The following TTC6 variants were observed in gnomAD, a reference collection of about 807,000 sequenced individuals.
TTC6 encodes tetratricopeptide repeat protein 6.
Under a neutral mutation model 210.4 loss-of-function variants are expected in TTC6, and 172 were observed. That is an observed-to-expected ratio of 0.82 (90% confidence interval 0.72 to 0.93). TTC6 has a LOEUF of 0.93. Among genes scored for constraint, TTC6 ranks in the 40% least tolerant of loss-of-function variants. TTC6 has a pLI of 0.00. For synonymous variants in TTC6, 804 were observed against 819.6 expected (o/e 0.98, Z 0.32); for missense variants, 2,414 against 2,318.1 (o/e 1.04, Z -0.85).
chr14:37,832,329 CTTTTTTTTT>C, intron 29 of TTC6, among the ~76,000 whole-genome samples: 1 of 68,912 alleles, frequency 1.5e-5, no homozygotes, highest in East Asian at 4.8e-4. Flanking sequence ...TTCTTTCTCT[CTTTTTTTTT>C]TTTTTTTTTT....
chr14:37,821,221 C>T (rs987729154), intron 26 of TTC6, among the ~76,000 whole-genome samples: 2 of 151,938 alleles, frequency 1.3e-5, no homozygotes, highest in African/African-American at 4.8e-5. Flanking sequence ...GTGCATACTA[C>T]CATGCCTGGC....
intron 2 of TTC6, among the ~76,000 whole-genome samples, chr14:37,609,401 G>A (rs1479139544): frequency 6.6e-6 from 1 of 152,124 alleles, no homozygotes; most frequent in Non-Finnish European, 1.5e-5. Context: ...GGGTGACAGA[G>A]TGAGACCCTG....
chr14:37,623,315 T>A (rs1463911048), intron 1 of TTC6, among the ~76,000 whole-genome samples: 1 of 152,168 alleles, frequency 6.6e-6, no homozygotes, highest in Non-Finnish European at 1.5e-5. Flanking sequence ...AAAGGTTTCG[T>A]GATTATTTAG....
At chr14:37,817,921 C>T (rs1434230524) in intron 26 of TTC6, among the ~76,000 whole-genome samples, 3 of 152,092 alleles carry the variant, frequency 2.0e-5, no homozygotes, top group African/African-American at 4.8e-5. Flanking sequence ...GCAGAGTTCA[C>T]CTGATCCAAG....
At chr14:37,788,843 A>G (rs1295468823) in intron 15 of TTC6, among the ~76,000 whole-genome samples, 2 of 151,922 alleles carry the variant, frequency 1.3e-5, no homozygotes, top group Non-Finnish European at 1.5e-5. Context: ...AACCACCCCC[A>G]TTTCTAGAAG....
chr14:37,801,417 A>G (rs903094938), intron 20 of TTC6, among the ~76,000 whole-genome samples: 1 of 152,168 alleles, frequency 6.6e-6, no homozygotes, highest in African/African-American at 2.4e-5. Flanking sequence ...CATCTGGTAG[A>G]CACACTCTAA....
chr14:37,773,923 C>A (rs942297789), intron 14 of TTC6, among the ~76,000 whole-genome samples: 1 of 152,054 alleles, frequency 6.6e-6, no homozygotes, highest in Admixed American at 6.6e-5. Flanking sequence ...TTGTGGTCAT[C>A]TCTGATTCCT....
chr14:37,657,934 T>G (rs2095728255), intron 1 of TTC6, among the ~76,000 whole-genome samples: 2 of 152,240 alleles, frequency 1.3e-5, no homozygotes, highest in African/African-American at 4.8e-5. Flanking sequence ...TGGTTCATTT[T>G]AGAGATGCAT....
At chr14:37,682,631 C>A in intron 2 of TTC6, 127 bp from the exon 5 acceptor site, 1 of 763,342 alleles carries the variant, frequency 1.3e-6, no homozygotes, top group Non-Finnish European at 2.1e-6. Flanking sequence ...GGAAACTCAT[C>A]ACCTATGCTT....
intron 1 of TTC6, among the ~76,000 whole-genome samples, chr14:37,600,134 G>A (rs1340182682): frequency 1.3e-5 from 2 of 152,192 alleles, no homozygotes; most frequent in Admixed American, 1.3e-4. Flanking sequence ...AGAGGGAAAC[G>A]TGACACCTCT....
At chr14:37,726,426 T>C (rs1255038001) in intron 7 of TTC6, among the ~76,000 whole-genome samples, 1 of 152,220 alleles carries the variant, frequency 6.6e-6, no homozygotes, top group Non-Finnish European at 1.5e-5. Context: ...GTGTTTAGAA[T>C]GTTAATATTG....
intron 7 of TTC6, among the ~76,000 whole-genome samples, chr14:37,732,649 T>C (rs539259468): frequency 1.1e-4 from 17 of 151,530 alleles, no homozygotes; most frequent in East Asian, 2.0e-4. Flanking sequence ...GACGGAGTCT[T>C]GCTCTGTCGC....
upstream of TTC6, chr14:37,621,989 T>G: frequency 9.1e-7 from 1 of 1,096,126 alleles, no homozygotes; most frequent in South Asian, 1.7e-5. Context: ...TCCAGTTTTG[T>G]TTTATATTTA....
chr14:37,834,177 G>A (rs1368802312), intron 29 of TTC6, among the ~76,000 whole-genome samples: 3 of 152,052 alleles, frequency 2.0e-5, no homozygotes, highest in African/African-American at 7.2e-5. Context: ...GGGCCTTTTT[G>A]GGTTGAATCT....
intron 2 of TTC6, among the ~76,000 whole-genome samples, chr14:37,610,627 C>T (rs1306787506): frequency 6.6e-6 from 1 of 152,202 alleles, no homozygotes; most frequent in Non-Finnish European, 1.5e-5. Flanking sequence ...GAGAAGCCAT[C>T]ACCAAGGTTA....
intron 3 of TTC6, among the ~76,000 whole-genome samples, chr14:37,689,503 G>A (rs1404556278): frequency 1.3e-5 from 2 of 151,826 alleles, no homozygotes; most frequent in African/African-American, 4.8e-5. Flanking sequence ...ACCCAAAGAC[G>A]GCTACTTCAA....
rs189124174 is a variant in TTC6 at position 37,831,234 on chromosome 14, T to C, written c.5298+3868T>C. The stretch of plus-strand genomic sequence containing the variant: ...ACATAATGTCCTCTATGCTCACCCA[T>C]GTTGCTGCAAATAATAGGATTTTAT... On this transcript the variant is annotated intron_variant, in intron 29 of 30. Transcript: ENST00000553443. 5.9e-4 allele frequency among the ~76,000 whole-genome samples: 90 copies of C among 152,170 alleles called. 2 individuals carry two copies. Among genetic ancestry groups the C allele is most frequent in the Admixed American group, 8.5e-4 (13 of 15,272 alleles).
chr14:37,655,479 C>T (rs1228678249), intron 1 of TTC6, among the ~76,000 whole-genome samples: 1 of 152,146 alleles, frequency 6.6e-6, no homozygotes, highest in Non-Finnish European at 1.5e-5. Context: ...TACAAGCAGC[C>T]AAGCAGTCTT....
chr14:37,680,822 C>T (rs923656931), intron 2 of TTC6, among the ~76,000 whole-genome samples: 1 of 152,112 alleles, frequency 6.6e-6, no homozygotes, highest in Non-Finnish European at 1.5e-5. Flanking sequence ...GCCTGATGGT[C>T]AGTTCCTCTA....
Sources: allele counts gnomAD v4.1 joint callset (sites outside exome capture counted in the v4.1 genomes callset), GRCh38; gene constraint gnomAD v4.1.1; transcripts MANE v1.5; gene names NCBI Gene and HGNC (gene_info 2026-07-23, HGNC 2026-07-21).